CDKAL1: variants seen among roughly 807,000 people sequenced by gnomAD.
The protein encoded by CDKAL1 is threonylcarbamoyladenosine tRNA methylthiotransferase.
Under a neutral mutation model 68.2 loss-of-function variants are expected in CDKAL1, and 32 were observed. The ratio of observed to expected loss-of-function variants is 0.47; its 90% confidence interval spans 0.35 to 0.63. The LOEUF (loss-of-function observed/expected upper bound fraction) is 0.63. Among genes scored for constraint, CDKAL1 ranks in the 30% least tolerant of loss-of-function variants. The pLI is 0.00. For missense variants in CDKAL1, 606 were observed against 696.7 expected, an observed-to-expected ratio of 0.87 and a Z score of 1.47; for synonymous variants, 234 against 244.3, an observed-to-expected ratio of 0.96 and a Z score of 0.39.
At chr6:20,902,130 G>A (rs919052678) in intron 9 of CDKAL1, among the ~76,000 whole-genome samples, 1 of 152,164 alleles carries the variant, frequency 6.6e-6, no homozygotes, top group Non-Finnish European at 1.5e-5. Flanking sequence ...AAATGACCAA[G>A]TTGGAAATGT....
intron 5 of CDKAL1, among the ~76,000 whole-genome samples, chr6:20,710,457 C>G (rs1418398403): frequency 6.6e-6 from 1 of 152,150 alleles, no homozygotes; most frequent in African/African-American, 2.4e-5. Context: ...GCTGTACCAT[C>G]TAGATTTGTG....
chr6:20,831,932 A>G (rs904642289), intron 8 of CDKAL1, among the ~76,000 whole-genome samples: 6 of 152,062 alleles, frequency 3.9e-5, no homozygotes, highest in East Asian at 3.9e-4. Flanking sequence ...ATTGCTCTCA[A>G]TCGGTCATTG....
At chr6:20,672,180 CTT>C (rs1325734033) in intron 5 of CDKAL1, among the ~76,000 whole-genome samples, 3 of 151,494 alleles carry the variant, frequency 2.0e-5, no homozygotes, top group Non-Finnish European at 2.9e-5. Context: ...CTCTCTTTCT[CTT>C]TCTCTCTCTC....
chr6:21,190,450 A>C (rs1582387391), intron 13 of CDKAL1, among the ~76,000 whole-genome samples: 1 of 151,306 alleles, frequency 6.6e-6, no homozygotes, highest in South Asian at 2.1e-4. Context: ...TCACTGCACC[A>C]TCTGCCTCCC....
At chr6:20,931,266 G>T (rs1763441678) in intron 9 of CDKAL1, among the ~76,000 whole-genome samples, 1 of 152,164 alleles carries the variant, frequency 6.6e-6, no homozygotes, top group Admixed American at 6.5e-5. Flanking sequence ...ACTTGAGCTT[G>T]GAAAAGTTGC....
chr6:21,100,330 C>G (rs1335755544), intron 12 of CDKAL1, among the ~76,000 whole-genome samples: 9 of 152,220 alleles, frequency 5.9e-5, no homozygotes, highest in African/African-American at 2.2e-4. Flanking sequence ...CTAACTTCCA[C>G]TCTTAGAGAA....
intron 4 of CDKAL1, chr6:20,599,236 TA>T: frequency 3.3e-6 from 1 of 298,582 alleles, no homozygotes; most frequent in South Asian, 3.4e-5. Flanking sequence ...TATCACATTT[TA>T]AAAAGTATAA....
intron 4 of CDKAL1, among the ~76,000 whole-genome samples, chr6:20,597,346 T>C (rs1480013409): frequency 6.6e-6 from 1 of 152,118 alleles, no homozygotes; most frequent in Non-Finnish European, 1.5e-5. Flanking sequence ...GCCATATTGG[T>C]CTTGATCTCC....
At chr6:20,920,114 C>T (rs1762884243) in intron 9 of CDKAL1, among the ~76,000 whole-genome samples, 1 of 152,108 alleles carries the variant, frequency 6.6e-6, no homozygotes, top group Non-Finnish European at 1.5e-5. Flanking sequence ...AACTCCTTTC[C>T]TGTATGATTA....
intron 8 of CDKAL1, among the ~76,000 whole-genome samples, chr6:20,817,286 G>C (rs1006140469): frequency 6.6e-6 from 1 of 151,684 alleles, no homozygotes; most frequent in Admixed American, 6.6e-5. Flanking sequence ...TTTCTATATG[G>C]CAGCCCATTT....
At chr6:20,551,733 T>C (rs1561919557) in intron 4 of CDKAL1, among the ~76,000 whole-genome samples, 1 of 152,066 alleles carries the variant, frequency 6.6e-6, no homozygotes, top group Non-Finnish European at 1.5e-5. Flanking sequence ...GCAAAATGAG[T>C]CTTAATATTT....
At chr6:20,875,924 A>G (rs1199949198) in intron 9 of CDKAL1, among the ~76,000 whole-genome samples, 1 of 152,210 alleles carries the variant, frequency 6.6e-6, no homozygotes, top group Non-Finnish European at 1.5e-5. Context: ...AAAAATATAA[A>G]CTGTGGGAAC....
intron 7 of CDKAL1, among the ~76,000 whole-genome samples, chr6:20,777,552 C>G (rs777094940): frequency 6.6e-6 from 1 of 152,202 alleles, no homozygotes; most frequent in Non-Finnish European, 1.5e-5. Flanking sequence ...GAAGTCGAGG[C>G]TGCAGTGAGC....
intron 9 of CDKAL1, among the ~76,000 whole-genome samples, chr6:20,937,046 A>G (rs1036258772): frequency 6.6e-6 from 1 of 152,140 alleles, no homozygotes; most frequent in Non-Finnish European, 1.5e-5. Context: ...CAAAAACAGT[A>G]ATAAGAGTAC....
chr6:20,552,234 A>G (rs538521424), intron 4 of CDKAL1, among the ~76,000 whole-genome samples: 94 of 151,848 alleles, frequency 6.2e-4, no homozygotes, highest in African/African-American at 2.1e-3. Flanking sequence ...CTGTAGTCCC[A>G]GTTACTTGAG....
intron 10 of CDKAL1, among the ~76,000 whole-genome samples, chr6:20,991,022 T>G (rs1766761789): frequency 6.6e-6 from 1 of 152,204 alleles, no homozygotes; most frequent in Non-Finnish European, 1.5e-5. Flanking sequence ...GATATGAGGA[T>G]GTATGGTTTA....
chr6:21,065,001 T>C, intron 11 of CDKAL1, 47 bp from the exon 12 acceptor site: 1 of 1,143,360 alleles, frequency 8.7e-7, no homozygotes, highest in Non-Finnish European at 1.2e-6. Context: ...ATAGAATAAT[T>C]ATGGCTTATA....
chr6:20,943,840 T>C (rs996826714), intron 9 of CDKAL1, among the ~76,000 whole-genome samples: 18 of 152,252 alleles, frequency 1.2e-4, no homozygotes, highest in African/African-American at 4.3e-4. Flanking sequence ...TGCATGCCTG[T>C]TGTCCCAGTA....
At chr6:21,143,485 C>CA (rs1342598295) in intron 13 of CDKAL1, among the ~76,000 whole-genome samples, 6 of 152,262 alleles carry the variant, frequency 3.9e-5, no homozygotes, top group Admixed American at 3.9e-4. Context: ...CAGCCTTAGA[C>CA]AAAAGCTTAG....
Sources: allele counts gnomAD v4.1 joint callset (sites outside exome capture counted in the v4.1 genomes callset), GRCh38; gene constraint gnomAD v4.1.1; transcripts MANE v1.5; gene names NCBI Gene and HGNC (gene_info 2026-07-23, HGNC 2026-07-21).